Variants in SHISA9 observed in about 807,000 individuals in gnomAD.
SHISA9 encodes protein shisa-9.
A neutral mutation model predicts 38.0 loss-of-function variants in SHISA9; 13 were observed. That is an observed-to-expected ratio of 0.34 (90% CI 0.22 to 0.54). The LOEUF (loss-of-function observed/expected upper bound fraction) is 0.54. SHISA9 is among the 20% of genes least tolerant of loss of function. SHISA9 has a pLI of 0.91. For synonymous variants in SHISA9, 275 were observed against 242.0 expected (o/e 1.14, Z -1.27); for missense variants, 538 against 575.8 (o/e 0.93, Z 0.67).
At chr16:13,323,324 G>A in the SHISA9 span, among the ~76,000 whole-genome samples, 1 of 152,134 alleles carries the variant, frequency 6.6e-6, no homozygotes, top group Non-Finnish European at 1.5e-5. Context: ...CTTGTACCTG[G>A]AGTTGAGTCA....
chr16:13,143,704 T>G (rs768486828), intron 2 of SHISA9, among the ~76,000 whole-genome samples: 1 of 152,156 alleles, frequency 6.6e-6, no homozygotes, highest in Non-Finnish European at 1.5e-5. Flanking sequence ...AAATGAATTC[T>G]CCCCCATGGG....
At chr16:13,529,218 G>A in the SHISA9 span, among the ~76,000 whole-genome samples, 9 of 152,260 alleles carry the variant, frequency 5.9e-5, 1 homozygote, top group East Asian at 3.9e-4. Context: ...TTATAAACAG[G>A]ACCTAAATCC....
At chr16:13,171,986 C>T (rs2050690691) in intron 2 of SHISA9, among the ~76,000 whole-genome samples, 1 of 151,948 alleles carries the variant, frequency 6.6e-6, no homozygotes, top group East Asian at 1.9e-4. Context: ...AATGCTTATC[C>T]CTAGTGTTTG....
At chr16:13,269,108 G>C in the SHISA9 span, among the ~76,000 whole-genome samples, 1 of 152,198 alleles carries the variant, frequency 6.6e-6, no homozygotes, top group Non-Finnish European at 1.5e-5. Context: ...AGGAAGAGAA[G>C]TCAAGGAAGG....
At chr16:13,096,141 C>T (rs766238506) in intron 2 of SHISA9, among the ~76,000 whole-genome samples, 12 of 152,104 alleles carry the variant, frequency 7.9e-5, no homozygotes, top group Admixed American at 2.0e-4. Flanking sequence ...GTCTATGAAG[C>T]GCAGATAATC....
At chr16:13,501,474 G>A in the SHISA9 span, among the ~76,000 whole-genome samples, 42 of 152,314 alleles carry the variant, frequency 2.8e-4, no homozygotes, top group South Asian at 4.1e-4. Flanking sequence ...AGAAAGAGGT[G>A]TGATATATTC....
the SHISA9 span, among the ~76,000 whole-genome samples, chr16:13,407,545 T>C: frequency 6.6e-6 from 1 of 152,238 alleles, no homozygotes; most frequent in Non-Finnish European, 1.5e-5. Flanking sequence ...ATAGCAATGA[T>C]GCTGTCATGA....
chr16:13,211,843 G>C (rs574053419), intron 3 of SHISA9, among the ~76,000 whole-genome samples: 1 of 152,208 alleles, frequency 6.6e-6, no homozygotes, highest in African/African-American at 2.4e-5. Context: ...TCAGCGACTT[G>C]TTGGCTTGGT....
At chr16:12,908,484 A>G (rs1223068494) in intron 1 of SHISA9, 7 of 1,552,300 alleles carry the variant, frequency 4.5e-6, no homozygotes, top group African/African-American at 1.4e-5. Flanking sequence ...GGTAGGCTCT[A>G]TGACAATCTG....
rs149649892 is a variant in SHISA9 at position 13,134,138 on chromosome 16, T to C, written c.692-69256T>C. Reference sequence around the variant, plus strand: ...GCACAACAGCACAGTGGTTAAGAAGTGGGTAGTAGCACCAGACTGCCTGGG... The same window carrying C: ...GCACAACAGCACAGTGGTTAAGAAGCGGGTAGTAGCACCAGACTGCCTGGG... On this transcript the variant is annotated intron_variant, in intron 2 of 4. Coordinates refer to ENST00000558583, the MANE Select transcript of SHISA9 (RefSeq NM_001145204.3). Among the ~76,000 whole-genome samples, 251 of 152,230 alleles carry C rather than the reference T, an allele frequency of 1.6e-3. No homozygotes were observed. In the Middle Eastern group the frequency reaches 0.02, roughly 12 times the overall value.
At chr16:13,145,515 G>A (rs188963196) in intron 2 of SHISA9, among the ~76,000 whole-genome samples, 140 of 152,040 alleles carry the variant, frequency 9.2e-4, no homozygotes, top group African/African-American at 3.2e-3. Context: ...CAACAAGAGC[G>A]AAACACCATC....
At chr16:12,963,707 G>A (rs2071940622) in intron 2 of SHISA9, among the ~76,000 whole-genome samples, 2 of 152,222 alleles carry the variant, frequency 1.3e-5, no homozygotes, top group African/African-American at 2.4e-5. Context: ...ATAAGGCTAG[G>A]AAGGTGCCAG....
At chr16:13,554,489 T>C in the SHISA9 span, among the ~76,000 whole-genome samples, 1 of 151,048 alleles carries the variant, frequency 6.6e-6, no homozygotes, top group South Asian at 2.1e-4. Context: ...GTTTCCTTTT[T>C]TTTTTTCTTT....
chr16:13,285,767 C>G, the SHISA9 span, among the ~76,000 whole-genome samples: 1 of 152,124 alleles, frequency 6.6e-6, no homozygotes. Context: ...CTGCTGACAA[C>G]CCACAAGGTG....
At chr16:13,221,176 A>T (rs1441277729) in intron 4 of SHISA9, among the ~76,000 whole-genome samples, 1 of 152,086 alleles carries the variant, frequency 6.6e-6, no homozygotes, top group African/African-American at 2.4e-5. Context: ...CCCCGTGGGG[A>T]GGGCCAGATG....
At chr16:13,039,686 C>T (rs2073112575) in intron 2 of SHISA9, among the ~76,000 whole-genome samples, 1 of 152,082 alleles carries the variant, frequency 6.6e-6, no homozygotes, top group Non-Finnish European at 1.5e-5. Context: ...TTTTTCCTCT[C>T]CAAATGAGGA....
At chr16:13,158,564 C>A (rs1356285562) in intron 2 of SHISA9, among the ~76,000 whole-genome samples, 1 of 152,200 alleles carries the variant, frequency 6.6e-6, no homozygotes, top group African/African-American at 2.4e-5. Flanking sequence ...GTCCCTGTTA[C>A]TTGGGCTACC....
At chr16:13,271,771 G>C in the SHISA9 span, among the ~76,000 whole-genome samples, 4 of 151,198 alleles carry the variant, frequency 2.6e-5, no homozygotes, top group Non-Finnish European at 5.9e-5. Flanking sequence ...GGGATCTTAT[G>C]GGGGGGGTGT....
chr16:13,398,745 C>T, the SHISA9 span, among the ~76,000 whole-genome samples: 1 of 152,036 alleles, frequency 6.6e-6, no homozygotes, highest in Non-Finnish European at 1.5e-5. Context: ...CTCCTGACCT[C>T]AGGTGATCCA....
Sources: allele counts gnomAD v4.1 joint callset (sites outside exome capture counted in the v4.1 genomes callset), GRCh38; gene constraint gnomAD v4.1.1; transcripts MANE v1.5; gene names NCBI Gene and HGNC (gene_info 2026-07-23, HGNC 2026-07-21).